MYRIP: variants seen among roughly 807,000 people sequenced by gnomAD.
MYRIP encodes rab effector MyRIP.
In MYRIP, 49 loss-of-function variants were observed where a neutral mutation model predicts 98.0. The observed-to-expected ratio is 0.50, with a 90% CI of 0.40 to 0.63. The LOEUF is 0.63. Ranked by LOEUF, MYRIP falls within the 30% of genes least tolerant of loss-of-function variation. MYRIP has a pLI of 0.00. For synonymous variants in MYRIP, 404 were observed against 409.5 expected (o/e 0.99, Z 0.16); for missense variants, 1,004 against 1,058.2 (o/e 0.95, Z 0.71).
chr3:39,910,475 T>C (rs1943993721), intron 2 of MYRIP, among the ~76,000 whole-genome samples: 1 of 152,216 alleles, frequency 6.6e-6, no homozygotes, highest in East Asian at 1.9e-4. Context: ...TTTAAGTCAG[T>C]ATATGAGAAG....
rs1234703174 is a variant in MYRIP, at chr3:40,251,909, T to C, written c.2457T>C (p.Thr819=). The change falls in exon 16 of 17, where the codon ACT becomes ACC. Residue 819 remains threonine (T), a synonymous_variant. Transcript: ENST00000302541. Reference sequence around the variant, plus strand: ...AAAAAATTGAGACATCTTCAGTGACTACCATTAAAACATTTAACCACAACT... The same window carrying C: ...AAAAAATTGAGACATCTTCAGTGACCACCATTAAAACATTTAACCACAACT... ...KAEKIETSSV[T]TIKTFNHNFI... 26 of 1,613,536 alleles carry C rather than the reference T, an allele frequency of 1.6e-5. No individual in the cohort carries two copies. The highest frequency in any genetic ancestry group is 2.2e-5 in the Non-Finnish European group (26 of 1,179,484).
chr3:40,239,265 C>T (rs1466611072), intron 12 of MYRIP, among the ~76,000 whole-genome samples: 1 of 150,910 alleles, frequency 6.6e-6, no homozygotes, highest in Non-Finnish European at 1.5e-5. Context: ...GCATAGTATT[C>T]CATGGTATAT....
At chr3:39,905,079 C>T (rs1448791468) in intron 2 of MYRIP, among the ~76,000 whole-genome samples, 1 of 152,184 alleles carries the variant, frequency 6.6e-6, no homozygotes, top group African/African-American at 2.4e-5. Context: ...CATGGTGACG[C>T]CTGCTCCTAC....
At chr3:40,187,208 A>G (rs1951062072) in intron 9 of MYRIP, among the ~76,000 whole-genome samples, 1 of 152,218 alleles carries the variant, frequency 6.6e-6, no homozygotes, top group Admixed American at 6.5e-5. Context: ...ACTAGGATTG[A>G]TGCTTTATAT....
At chr3:39,904,596 T>C (rs1024521701) in intron 2 of MYRIP, among the ~76,000 whole-genome samples, 22 of 152,102 alleles carry the variant, frequency 1.4e-4, no homozygotes, top group Non-Finnish European at 2.4e-4. Context: ...GTTACCCATA[T>C]GGAAGGGGCA....
At chr3:40,070,905 T>C (rs1948211253) in intron 3 of MYRIP, among the ~76,000 whole-genome samples, 1 of 152,196 alleles carries the variant, frequency 6.6e-6, no homozygotes, top group Non-Finnish European at 1.5e-5. Flanking sequence ...AAAAAGTGTC[T>C]TCCCCCAGCA....
intron 3 of MYRIP, among the ~76,000 whole-genome samples, chr3:40,146,238 G>A (rs367834913): frequency 7.9e-5 from 12 of 152,272 alleles, no homozygotes; most frequent in African/African-American, 2.2e-4. Context: ...TGCAAGGATC[G>A]TCAGGGAAGG....
intron 11 of MYRIP, among the ~76,000 whole-genome samples, chr3:40,219,402 G>A (rs1340003627): frequency 6.6e-6 from 1 of 152,164 alleles, no homozygotes; most frequent in Non-Finnish European, 1.5e-5. Flanking sequence ...TGTTACATAT[G>A]TATACATGTG....
chr3:39,862,370 C>G (rs1038834005), intron 1 of MYRIP, among the ~76,000 whole-genome samples: 3 of 152,148 alleles, frequency 2.0e-5, no homozygotes. Flanking sequence ...CTGTTACCAG[C>G]CACTACGAAA....
intron 3 of MYRIP, among the ~76,000 whole-genome samples, chr3:40,048,489 C>G (rs992730130): frequency 3.8e-5 from 5 of 132,460 alleles, no homozygotes; most frequent in Admixed American, 7.7e-5. Flanking sequence ...ATAACTGTAT[C>G]AAATACCTGG....
At chr3:40,215,626 T>C (rs1369242257) in intron 11 of MYRIP, among the ~76,000 whole-genome samples, 1 of 152,192 alleles carries the variant, frequency 6.6e-6, no homozygotes, top group Non-Finnish European at 1.5e-5. Context: ...GTCATGGTGT[T>C]AACATAAAAT....
chr3:39,879,880 T>C (rs893382974), intron 1 of MYRIP, among the ~76,000 whole-genome samples: 32 of 152,266 alleles, frequency 2.1e-4, no homozygotes, highest in African/African-American at 6.7e-4. Context: ...GACTCCTTTC[T>C]TTCTGGGTTC....
intron 10 of MYRIP, chr3:40,209,160 A>T (rs1361566348): frequency 6.6e-6 from 1 of 152,212 alleles, no homozygotes; most frequent in Non-Finnish European, 1.5e-5. Flanking sequence ...CGGGAGCGGG[A>T]GACCACCAGA....
At chr3:39,949,264 C>T (rs2125716293) in intron 2 of MYRIP, among the ~76,000 whole-genome samples, 1 of 152,236 alleles carries the variant, frequency 6.6e-6, no homozygotes, top group East Asian at 1.9e-4. Flanking sequence ...TGTCTAAAAG[C>T]ATATTACAAG....
At chr3:39,921,557 T>G (rs1310692880) in intron 2 of MYRIP, among the ~76,000 whole-genome samples, 1 of 152,120 alleles carries the variant, frequency 6.6e-6, no homozygotes, top group African/African-American at 2.4e-5. Context: ...AGGTGGGAAG[T>G]TATACCCCAA....
chr3:40,121,999 A>G (rs1400936392), intron 3 of MYRIP, among the ~76,000 whole-genome samples: 4 of 152,188 alleles, frequency 2.6e-5, no homozygotes, highest in Admixed American at 1.3e-4. Flanking sequence ...TTAAACTCAC[A>G]ACATTATTTT....
intron 3 of MYRIP, among the ~76,000 whole-genome samples, chr3:40,137,406 A>G (rs1350012251): frequency 6.6e-6 from 1 of 152,230 alleles, no homozygotes; most frequent in Non-Finnish European, 1.5e-5. Context: ...CTTACCAACC[A>G]AAAAGAGTCC....
chr3:39,886,245 T>A (rs1178187172), intron 1 of MYRIP, among the ~76,000 whole-genome samples: 2 of 151,474 alleles, frequency 1.3e-5, no homozygotes, highest in African/African-American at 4.9e-5. Flanking sequence ...TGCCAAAATA[T>A]AAAGACCATC....
intron 1 of MYRIP, among the ~76,000 whole-genome samples, chr3:39,858,274 A>G (rs1015497615): frequency 6.6e-6 from 1 of 152,156 alleles, no homozygotes; most frequent in Non-Finnish European, 1.5e-5. Context: ...TACACTTTCA[A>G]TAAAGCAAAA....
Sources: gnomAD v4.1 joint callset for allele counts (sites outside exome capture counted in the v4.1 genomes callset) on GRCh38, gnomAD v4.1.1 for gene constraint, MANE v1.5 for transcripts, NCBI Gene and HGNC (gene_info 2026-07-23, HGNC 2026-07-21) for gene names.